Variants in ATP2B2 observed in about 807,000 individuals in gnomAD.
ATP2B2 encodes plasma membrane calcium-transporting ATPase 2.
A neutral mutation model predicts 120.0 loss-of-function variants in ATP2B2; 15 were observed. That is an observed-to-expected ratio of 0.12 (90% confidence interval 0.08 to 0.19). The LOEUF is 0.19. ATP2B2 is among the 10% of genes least tolerant of loss of function. The probability of loss-of-function intolerance (pLI) is 1.00; values close to 1 mark genes in which losing one functional copy is unlikely to be tolerated. For missense variants in ATP2B2, 1,045 were observed against 1,719.8 expected (o/e 0.61, Z 6.94); for synonymous variants, 694 against 700.3 (o/e 0.99, Z 0.14).
intron 1 of ATP2B2, among the ~76,000 whole-genome samples, chr3:10,500,551 C>T (rs545455480): frequency 1.3e-5 from 2 of 151,830 alleles, no homozygotes; most frequent in Middle Eastern, 3.2e-3. Flanking sequence ...GAGAGGACAC[C>T]GAGAGACACA....
intron 18 of ATP2B2, 93 bp downstream of exon 18, chr3:10,345,291 A>T: frequency 6.9e-7 from 1 of 1,443,162 alleles, no homozygotes; most frequent in Non-Finnish European, 9.6e-7. Context: ...GGCTGTTCTG[A>T]CAGGGACAAC....
At position 10,339,454 on chromosome 3, in the gene ATP2B2, C is replaced by T. The variant is rs1574948066; in HGVS notation, c.3237+788G>A. ...ACCTTGGGAATCAGGCCCCTTAGGC[C>T]CTGAGTTGGTTCTGGGCCCTCCTCC... On this transcript the variant is annotated intron_variant, in intron 21 of 22. Coordinates refer to ENST00000360273, the MANE Select transcript of ATP2B2 (RefSeq NM_001001331.4). Among the ~76,000 whole-genome samples, 3 of 152,296 alleles carry T rather than the reference C, an allele frequency of 2.0e-5. No individual in the cohort carries two copies. The South Asian group carries it at 6.2e-4, about 32-fold the overall frequency.
intron 1 of ATP2B2, among the ~76,000 whole-genome samples, chr3:10,707,349 G>C (rs956902113): frequency 6.6e-6 from 1 of 152,188 alleles, no homozygotes; most frequent in Admixed American, 6.5e-5. Context: ...AGAGCACTTG[G>C]CAGAGATGCT....
intron 3 of ATP2B2, among the ~76,000 whole-genome samples, chr3:10,524,992 A>T (rs1172844970): frequency 6.6e-6 from 1 of 152,228 alleles, no homozygotes; most frequent in African/African-American, 2.4e-5. Flanking sequence ...AGATACCTGC[A>T]TCGAGACTGG....
chr3:10,336,214 A>G, intron 22 of ATP2B2: 1 of 1,550,642 alleles, frequency 6.4e-7, no homozygotes, highest in Non-Finnish European at 8.7e-7. Flanking sequence ...GATTGGCTAC[A>G]TCCTGGCTCT....
chr3:10,518,720 C>T (rs1215506925), intron 3 of ATP2B2, among the ~76,000 whole-genome samples: 1 of 152,258 alleles, frequency 6.6e-6, no homozygotes, highest in Non-Finnish European at 1.5e-5. Context: ...CCACTCATGC[C>T]TCTGAGGGAG....
chr3:10,707,622 G>A (rs562365581), intron 1 of ATP2B2, among the ~76,000 whole-genome samples: 9 of 152,270 alleles, frequency 5.9e-5, no homozygotes, highest in Non-Finnish European at 1.0e-4. Flanking sequence ...AAGTTTTCGC[G>A]CAGCAGGCGC....
chr3:10,504,757 CCA>C (rs2066547001), intron 1 of ATP2B2, among the ~76,000 whole-genome samples: 1 of 152,158 alleles, frequency 6.6e-6, no homozygotes, highest in Non-Finnish European at 1.5e-5. Context: ...CAGCTGGAGA[CCA>C]CTGAGGCTGG....
Position 10,401,100 on chromosome 3 carries a change from G to C in ATP2B2, c.656-22C>G, listed in dbSNP as rs200452426. On this transcript the variant is annotated intron_variant, in intron 4 of 22. Coordinates refer to ENST00000360273, the MANE Select transcript of ATP2B2 (RefSeq NM_001001331.4). The stretch of plus-strand genomic sequence containing the variant: ...TCACCTGGCAAGAGGAAGGGCAGGG[G>C]AGTCAGCAGGCTCTCAGGTGACTAG... 3 of 1,613,184 alleles carry C rather than the reference G, an allele frequency of 1.9e-6. No homozygotes were observed. The East Asian group carries it at 6.7e-5, about 36-fold the overall frequency.
At chr3:10,526,322 G>A (rs2067090717) in intron 3 of ATP2B2, among the ~76,000 whole-genome samples, 1 of 152,160 alleles carries the variant, frequency 6.6e-6, no homozygotes, top group African/African-American at 2.4e-5. Flanking sequence ...CCCCCAGACT[G>A]TCCTCAAAGC....
chr3:10,345,130 C>A (rs1271899863), intron 18 of ATP2B2, among the ~76,000 whole-genome samples: 2 of 152,216 alleles, frequency 1.3e-5, no homozygotes, highest in Non-Finnish European at 2.9e-5. Flanking sequence ...GTGAGCCTGA[C>A]AGCTCCCATT....
intron 2 of ATP2B2, among the ~76,000 whole-genome samples, chr3:10,545,528 C>CAAAA (rs5846669): frequency 9.1e-4 from 121 of 132,604 alleles, no homozygotes; most frequent in Middle Eastern, 3.9e-3. Context: ...GAATCCATCT[C>CAAAA]AAAAAAAAAA....
intron 14 of ATP2B2, among the ~76,000 whole-genome samples, chr3:10,356,153 TGC>T (rs200754029): frequency 1.5e-4 from 10 of 68,738 alleles, no homozygotes; most frequent in South Asian, 6.5e-4. Flanking sequence ...TGTGCGTGTG[TGC>T]GTGTGTGTGT....
intron 2 of ATP2B2, among the ~76,000 whole-genome samples, chr3:10,583,423 A>C (rs2068436850): frequency 1.3e-5 from 2 of 152,186 alleles, no homozygotes; most frequent in South Asian, 4.1e-4. Context: ...CTTATAAAGG[A>C]AAAGCTGGTT....
intron 14 of ATP2B2, 105 bp from the exon 15 acceptor site, chr3:10,350,682 A>G: frequency 8.0e-7 from 1 of 1,246,212 alleles, no homozygotes; most frequent in South Asian, 1.3e-5. Flanking sequence ...CTCTACTGAA[A>G]GGGGACTAGA....
At position 10,358,901 on chromosome 3, in the gene ATP2B2, C is replaced by T. The variant is rs1159414805; in HGVS notation, c.1926G>A (p.Ala642=). ...LKKCCKILNG[A]GEPRVFRPRD... is the part of the protein sequence containing the mutation. Reference sequence around the variant, plus strand: ...GGGGCCGGAAGACACGAGGCTCTCCCGCCCCATTGAGGATTTTGCAGCACC... The same window carrying T: ...GGGGCCGGAAGACACGAGGCTCTCCTGCCCCATTGAGGATTTTGCAGCACC... Residue 642 remains alanine (A), a synonymous_variant, in exon 14 of 23, where the codon GCG becomes GCA. Transcript: ENST00000360273. 39 of 1,613,882 alleles carry T rather than the reference C, an allele frequency of 2.4e-5. No homozygotes were observed. Among genetic ancestry groups the T allele is most frequent in the East Asian group, 1.8e-4 (8 of 44,864 alleles).
chr3:10,385,247 A>G, intron 8 of ATP2B2, 21 bp downstream of exon 8: 1 of 1,612,652 alleles, frequency 6.2e-7, no homozygotes. Flanking sequence ...CATGACCAGG[A>G]GCTCGCCGTG....
chr3:10,372,161 C>T, intron 11 of ATP2B2, 110 bp from the exon 12 acceptor site: 1 of 1,476,138 alleles, frequency 6.8e-7, no homozygotes, highest in Non-Finnish European at 9.4e-7. Context: ...GCCACCACAG[C>T]CTGCCCCTTT....
intron 15 of ATP2B2, 27 bp downstream of exon 15, chr3:10,350,371 G>A: frequency 6.2e-7 from 1 of 1,614,136 alleles, no homozygotes; most frequent in Non-Finnish European, 8.5e-7. Context: ...GCGTTCCCCT[G>A]AGGATGCTTT....
Sources: allele counts gnomAD v4.1 joint callset (sites outside exome capture counted in the v4.1 genomes callset), GRCh38; gene constraint gnomAD v4.1.1; transcripts MANE v1.5; gene names NCBI Gene and HGNC (gene_info 2026-07-23, HGNC 2026-07-21).